The following KIF16B variants were observed in gnomAD, a reference collection of about 807,000 sequenced individuals.
The protein encoded by KIF16B is kinesin family member 16B.
KIF16B carries 98 observed loss-of-function variants against 156.3 expected under a neutral mutation model. That is an observed-to-expected ratio of 0.63 (90% CI 0.53 to 0.74). The LOEUF (loss-of-function observed/expected upper bound fraction) is 0.74. Among genes scored for constraint, KIF16B ranks in the 30% least tolerant of loss-of-function variants. KIF16B has a pLI of 0.00. For missense variants in KIF16B, 1,421 were observed against 1,606.5 expected (o/e 0.88, Z 1.97); for synonymous variants, 564 against 583.7 (o/e 0.97, Z 0.49).
chr20:16,278,730 C>A (rs185693370), intron 25 of KIF16B, among the ~76,000 whole-genome samples: 1 of 152,164 alleles, frequency 6.6e-6, no homozygotes, highest in African/African-American at 2.4e-5. Context: ...CCAGAAGACA[C>A]GAGCAGAAGA....
At chr20:16,373,873 T>C (rs925183019) in intron 20 of KIF16B, among the ~76,000 whole-genome samples, 1 of 152,184 alleles carries the variant, frequency 6.6e-6, no homozygotes, top group African/African-American at 2.4e-5. Flanking sequence ...CATCCACAAC[T>C]ATACAAAGAT....
At chr20:16,468,502 G>C (rs899113192) in intron 12 of KIF16B, among the ~76,000 whole-genome samples, 4 of 150,818 alleles carry the variant, frequency 2.7e-5, no homozygotes, top group Admixed American at 6.6e-5. Context: ...CTGGAACCCT[G>C]GGGGAGGAGA....
intron 12 of KIF16B, among the ~76,000 whole-genome samples, chr20:16,490,222 T>C (rs2068247003): frequency 6.6e-6 from 1 of 152,150 alleles, no homozygotes; most frequent in Non-Finnish European, 1.5e-5. Flanking sequence ...AAAATGAGGT[T>C]ATTAGGATGG....
intron 12 of KIF16B, among the ~76,000 whole-genome samples, chr20:16,453,811 C>T (rs554848985): frequency 2.0e-5 from 3 of 152,168 alleles, no homozygotes; most frequent in Admixed American, 6.5e-5. Context: ...TTGATAACAC[C>T]GTTGAAAGGC....
intron 3 of KIF16B, among the ~76,000 whole-genome samples, chr20:16,522,542 G>C (rs1272188179): frequency 6.6e-6 from 1 of 152,152 alleles, no homozygotes; most frequent in Non-Finnish European, 1.5e-5. Flanking sequence ...GACCTACAAA[G>C]AGACTTAGAC....
chr20:16,453,906 G>T (rs1381188897), intron 12 of KIF16B, among the ~76,000 whole-genome samples: 1 of 152,128 alleles, frequency 6.6e-6, no homozygotes. Context: ...CCTTGATTTG[G>T]CAATCTCACA....
intron 15 of KIF16B, among the ~76,000 whole-genome samples, chr20:16,421,863 C>G (rs988267064): frequency 2.0e-5 from 3 of 152,132 alleles, no homozygotes; most frequent in African/African-American, 7.2e-5. Flanking sequence ...TCAAGCCCAT[C>G]AGATCTGAAG....
At chr20:16,465,360 C>T (rs1038441838) in intron 12 of KIF16B, among the ~76,000 whole-genome samples, 1 of 152,206 alleles carries the variant, frequency 6.6e-6, no homozygotes, top group African/African-American at 2.4e-5. Context: ...GGTACATACC[C>T]TCTCAAGTCC....
intron 1 of KIF16B, among the ~76,000 whole-genome samples, chr20:16,569,796 C>T (rs1403568896): frequency 1.3e-5 from 2 of 152,178 alleles, no homozygotes; most frequent in African/African-American, 4.8e-5. Context: ...CCTAAATAAG[C>T]ACTGCTGGGT....
chr20:16,367,543 T>C, intron 22 of KIF16B: 1 of 1,612,912 alleles, frequency 6.2e-7, no homozygotes, highest in Non-Finnish European at 8.5e-7. Flanking sequence ...GCACTGGTCA[T>C]GGCCAGAGTC....
At position 16,392,618 on chromosome 20, in the gene KIF16B, T is replaced by C. The variant is rs542965657; in HGVS notation, c.1785-10871A>G. On this transcript the variant is annotated intron_variant, in intron 17 of 25. Coordinates refer to ENST00000354981, the MANE Select transcript of KIF16B (RefSeq NM_024704.5). Reference sequence around the variant, plus strand: ...GCACATGTGAAAGACAACATGCCGATACGCCTAACCAGGCAATGCTGAAAA... The same window carrying C: ...GCACATGTGAAAGACAACATGCCGACACGCCTAACCAGGCAATGCTGAAAA... Among the ~76,000 whole-genome samples the C allele has an allele frequency of 1.2e-4, 19 of 152,376 alleles. No individual in the cohort carries two copies. In the South Asian group the frequency reaches 1.9e-3, roughly 15 times the overall value.
intron 22 of KIF16B, among the ~76,000 whole-genome samples, chr20:16,356,697 T>C (rs1049522610): frequency 3.3e-5 from 5 of 152,210 alleles, no homozygotes; most frequent in African/African-American, 1.2e-4. Flanking sequence ...CTATGAAGTG[T>C]TTGGCTTTGA....
At chr20:16,467,348 T>G (rs781744719) in intron 12 of KIF16B, among the ~76,000 whole-genome samples, 4 of 152,120 alleles carry the variant, frequency 2.6e-5, no homozygotes, top group Non-Finnish European at 5.9e-5. Context: ...CCACAGCTCC[T>G]CTTACCCAGT....
intron 1 of KIF16B, among the ~76,000 whole-genome samples, chr20:16,536,534 T>C (rs1056862168): frequency 6.6e-6 from 1 of 152,186 alleles, no homozygotes; most frequent in Non-Finnish European, 1.5e-5. Context: ...CAGTGATGGA[T>C]ATCCCAAATA....
chr20:16,375,266 G>A (rs549479245), intron 19 of KIF16B, among the ~76,000 whole-genome samples: 1 of 152,236 alleles, frequency 6.6e-6, no homozygotes, highest in South Asian at 2.1e-4. Flanking sequence ...ATTTAAACAC[G>A]GGTCTCAATT....
At chr20:16,455,303 C>A (rs2067185530) in intron 12 of KIF16B, among the ~76,000 whole-genome samples, 2 of 151,862 alleles carry the variant, frequency 1.3e-5, no homozygotes, top group African/African-American at 4.8e-5. Flanking sequence ...GCCTCAGCCT[C>A]CCAAAGTGCT....
intron 7 of KIF16B, 86 bp from the exon 8 acceptor site, chr20:16,506,276 C>T: frequency 1.8e-6 from 2 of 1,126,074 alleles, no homozygotes; most frequent in South Asian, 1.3e-5. Flanking sequence ...TTTTCTGCTC[C>T]TCACTGAGAT....
intron 12 of KIF16B, among the ~76,000 whole-genome samples, chr20:16,460,401 A>G (rs6043963): frequency 0.54 from 81,419 of 151,912 alleles, 22,894 homozygotes; most frequent in African/African-American, 0.72. Flanking sequence ...GTGAAACCCC[A>G]TCTCTACTAA....
intron 22 of KIF16B, chr20:16,367,960 A>C: frequency 3.5e-6 from 5 of 1,441,962 alleles, no homozygotes; most frequent in South Asian, 1.5e-5. Flanking sequence ...AGCATGAAAA[A>C]TGCTCATTGA....
Sources: allele counts gnomAD v4.1 joint callset (sites outside exome capture counted in the v4.1 genomes callset), GRCh38; gene constraint gnomAD v4.1.1; transcripts MANE v1.5; gene names NCBI Gene and HGNC (gene_info 2026-07-23, HGNC 2026-07-21).